REDIC1: variants seen among roughly 807,000 people sequenced by gnomAD.
REDIC1 encodes the protein regulator of DNA class I crossover intermediates 1, also known as HEI10 Interacting Protein 1.
chr12:39,888,181 G>C, the REDIC1 span, among the ~76,000 whole-genome samples: 9 of 152,246 alleles, frequency 5.9e-5, no homozygotes, highest in East Asian at 1.7e-3. Context: ...GTTCATGGGA[G>C]AAAATGCTTA....
chr12:39,860,165 T>C, the REDIC1 span, among the ~76,000 whole-genome samples: 2 of 152,310 alleles, frequency 1.3e-5, no homozygotes, highest in South Asian at 4.1e-4. Flanking sequence ...AGGTGGTTAG[T>C]CTGTGTGCCC....
At chr12:39,815,216 G>A in the REDIC1 span, among the ~76,000 whole-genome samples, 1 of 152,132 alleles carries the variant, frequency 6.6e-6, no homozygotes, top group African/African-American at 2.4e-5. Context: ...CTTTCTGAAA[G>A]AAACTTCCTG....
At chr12:39,857,121 G>T in the REDIC1 span, among the ~76,000 whole-genome samples, 1 of 152,310 alleles carries the variant, frequency 6.6e-6, no homozygotes, top group East Asian at 1.9e-4. Flanking sequence ...GATTATCAGA[G>T]ATACATGTTT....
At chr12:39,800,511 G>A in the REDIC1 span, among the ~76,000 whole-genome samples, 1 of 126,026 alleles carries the variant, frequency 7.9e-6, no homozygotes. Flanking sequence ...ATCATCACTG[G>A]CCATCAGAGA....
the REDIC1 span, among the ~76,000 whole-genome samples, chr12:39,645,639 G>A: frequency 7.2e-5 from 11 of 152,164 alleles, no homozygotes; most frequent in East Asian, 2.1e-3. Context: ...ATTTCCTTGT[G>A]CTACTGGTAC....
chr12:39,756,639 G>T, the REDIC1 span: 11 of 151,572 alleles, frequency 7.3e-5, no homozygotes, highest in Non-Finnish European at 1.5e-4. Context: ...CCAACTTCTG[G>T]ATCTGTGAGT....
the REDIC1 span, chr12:39,650,444 G>A: frequency 2.7e-6 from 4 of 1,466,858 alleles, no homozygotes; most frequent in African/African-American, 1.5e-5. The surrounding 1 kb of genome is among the most constrained non-coding windows in gnomAD (Gnocchi z 4.3). Context: ...AATATTTTTA[G>A]TTAAAAATAT....
chr12:39,636,739 A>G, the REDIC1 span, among the ~76,000 whole-genome samples: 1 of 152,088 alleles, frequency 6.6e-6, no homozygotes, highest in Non-Finnish European at 1.5e-5. Context: ...GAAACTAAAA[A>G]GCAAAATAAA....
At chr12:39,706,970 G>C in the REDIC1 span, among the ~76,000 whole-genome samples, 1 of 151,788 alleles carries the variant, frequency 6.6e-6, no homozygotes, top group African/African-American at 2.4e-5. Flanking sequence ...GTAATAACAA[G>C]CATAGGGAAC....
chr12:39,676,962 A>G, the REDIC1 span, among the ~76,000 whole-genome samples: 21 of 152,106 alleles, frequency 1.4e-4, no homozygotes, highest in African/African-American at 5.1e-4. Context: ...TAAATTTTGA[A>G]ATACACCAAA....
the REDIC1 span, among the ~76,000 whole-genome samples, chr12:39,690,295 A>C: frequency 2.0e-5 from 3 of 152,340 alleles, no homozygotes; most frequent in South Asian, 6.2e-4. Context: ...AGTGGGAGAG[A>C]ATAGGAAAGA....
the REDIC1 span, among the ~76,000 whole-genome samples, chr12:39,896,341 CAT>C: frequency 5.4e-5 from 5 of 93,376 alleles, no homozygotes; most frequent in African/African-American, 1.2e-4. Context: ...TATATGTATA[CAT>C]ATATGTATGT....
the REDIC1 span, chr12:39,864,874 C>T: frequency 1.6e-5 from 26 of 1,606,762 alleles, no homozygotes; most frequent in South Asian, 3.4e-5. Context: ...ATGAGTGCTA[C>T]GGTGGTACCT....
the REDIC1 span, among the ~76,000 whole-genome samples, chr12:39,787,974 CAT>C: frequency 6.6e-6 from 1 of 152,116 alleles, no homozygotes; most frequent in African/African-American, 2.4e-5. Flanking sequence ...CCAATTCTAT[CAT>C]AGAAATTTGG....
chr12:39,635,978 A>G, the REDIC1 span, among the ~76,000 whole-genome samples: 5 of 152,162 alleles, frequency 3.3e-5, no homozygotes, highest in East Asian at 9.6e-4. Context: ...TATTTTGATG[A>G]AAATATGTTA....
the REDIC1 span, among the ~76,000 whole-genome samples, chr12:39,763,144 TTA>T: frequency 6.6e-6 from 1 of 152,032 alleles, no homozygotes; most frequent in Non-Finnish European, 1.5e-5. Context: ...GAAGATAAGT[TTA>T]TGAATTTATC....
chr12:39,888,605 A>C, the REDIC1 span, among the ~76,000 whole-genome samples: 6 of 152,214 alleles, frequency 3.9e-5, no homozygotes, highest in Non-Finnish European at 8.8e-5. Flanking sequence ...CTACTTTTGA[A>C]TGTTTATTCT....
chr12:39,700,022 A>C, the REDIC1 span, among the ~76,000 whole-genome samples: 3 of 152,214 alleles, frequency 2.0e-5, no homozygotes, highest in South Asian at 2.1e-4. Context: ...AACTCTAAAA[A>C]GCAGAGCGCC....
the REDIC1 span, among the ~76,000 whole-genome samples, chr12:39,773,157 A>G: frequency 2.0e-5 from 3 of 152,160 alleles, no homozygotes; most frequent in African/African-American, 7.2e-5. Context: ...AGAAAAAGTC[A>G]TGCTCTTGGA....
Sources: gnomAD v4.1 joint callset for allele counts (sites outside exome capture counted in the v4.1 genomes callset) on GRCh38, gnomAD v4.1.1 for gene constraint, Gnocchi (gnomAD v3.1) non-coding constraint, MANE v1.5 for transcripts, NCBI Gene and HGNC (gene_info 2026-07-23, HGNC 2026-07-21) for gene names.